Variants in BLNK observed in about 807,000 individuals in gnomAD.
The protein encoded by BLNK is B-cell linker protein.
BLNK carries 29 observed loss-of-function variants against 73.5 expected under a neutral mutation model. That is an observed-to-expected ratio of 0.39 (90% CI 0.29 to 0.54). BLNK has a LOEUF of 0.54. BLNK is among the 20% of genes least tolerant of loss of function. The pLI is 0.61. For missense variants in BLNK, 460 were observed against 562.8 expected, an observed-to-expected ratio of 0.82 and a Z score of 1.85; for synonymous variants, 176 against 200.8, an observed-to-expected ratio of 0.88 and a Z score of 1.04.
intron 6 of BLNK, among the ~76,000 whole-genome samples, chr10:96,221,869 G>A (rs1591322892): frequency 6.6e-6 from 1 of 152,132 alleles, no homozygotes; most frequent in Non-Finnish European, 1.5e-5. Flanking sequence ...TGTGTGCAGG[G>A]TGAGGGTGTG....
intron 1 of BLNK, among the ~76,000 whole-genome samples, chr10:96,259,911 T>G (rs1466470189): frequency 2.6e-5 from 4 of 151,984 alleles, no homozygotes; most frequent in East Asian, 1.9e-4. Context: ...ACCCTGAGAC[T>G]GATGAGATGG....
At chr10:96,243,221 T>C (rs1159572680) in intron 2 of BLNK, among the ~76,000 whole-genome samples, 4 of 152,198 alleles carry the variant, frequency 2.6e-5, no homozygotes, top group Non-Finnish European at 4.4e-5. Flanking sequence ...TGGTTGTAGG[T>C]TGGGCTAAAA....
intron 3 of BLNK, among the ~76,000 whole-genome samples, chr10:96,237,455 C>G (rs1254992288): frequency 2.0e-5 from 3 of 152,150 alleles, no homozygotes; most frequent in Admixed American, 2.0e-4. Context: ...GTGGACCTCC[C>G]AGGGATGCCA....
At chr10:96,235,625 G>T (rs1447914632) in intron 3 of BLNK, among the ~76,000 whole-genome samples, 1 of 152,206 alleles carries the variant, frequency 6.6e-6, no homozygotes, top group Admixed American at 6.5e-5. Context: ...ATCATTGCCA[G>T]GAGCGGGGAA....
chr10:96,205,078 G>T, intron 11 of BLNK: 1 of 175,108 alleles, frequency 5.7e-6, no homozygotes, highest in Non-Finnish European at 1.2e-5. Context: ...ACACTACTGA[G>T]TTCATAAATG....
intron 1 of BLNK, among the ~76,000 whole-genome samples, chr10:96,256,185 A>G (rs1843499903): frequency 6.6e-6 from 1 of 152,090 alleles, no homozygotes; most frequent in South Asian, 2.1e-4. Flanking sequence ...TTATCCACGT[A>G]TACTTGGGTA....
intron 7 of BLNK, chr10:96,216,245 C>A: frequency 4.4e-6 from 1 of 228,908 alleles, no homozygotes. Flanking sequence ...AGAACCAGGA[C>A]TCAGGGCATA....
Position 96,196,963 on chromosome 10 carries a change from C to T in BLNK, c.1196G>A (p.Arg399Gln), listed in dbSNP as rs267602649. Residue 399 changes from arginine (R) to glutamine (Q), a missense_variant, in exon 16 of 17, where the codon CGA becomes CAA. Arg to Gln is a conservative substitution (Grantham distance 43). Coordinates refer to ENST00000224337, the MANE Select transcript of BLNK (RefSeq NM_013314.4). ...FNKRVYNIPVRFIEATKQYAL... is the reference protein window; with the variant it reads ...FNKRVYNIPVQFIEATKQYAL... ...ATATTGTTTTGTTGCTTCAATAAAT[C>T]GCACAGGAATATTATATACTCGCTT... 37 of 1,613,338 alleles carry T rather than the reference C, an allele frequency of 2.3e-5. No homozygotes were observed. Among genetic ancestry groups the T allele is most frequent in the East Asian group, 2.2e-5 (1 of 44,754 alleles).
intron 1 of BLNK, among the ~76,000 whole-genome samples, chr10:96,260,503 T>C (rs1313611045): frequency 2.0e-5 from 3 of 152,224 alleles, no homozygotes; most frequent in Non-Finnish European, 4.4e-5. Context: ...AGAATTTGAA[T>C]ATGTTCTTTT....
At position 96,191,496 on chromosome 10, in the gene BLNK, C is replaced by A. The variant is rs1351342752; in HGVS notation, c.*477G>T. ...AAAAGGAACCATTACATCCTTCTTG[C>A]CTATACTTACAGATATCATACATTA... On this transcript the variant is annotated 3_prime_UTR_variant, in exon 17 of 17. Transcript: ENST00000224337. 6.6e-6 allele frequency among the ~76,000 whole-genome samples: 1 copy of A among 151,894 alleles called. No homozygotes were observed. Among genetic ancestry groups the A allele is most frequent in the Non-Finnish European group, 1.5e-5 (1 of 67,992 alleles).
At chr10:96,207,100 G>A (rs373798149) in intron 10 of BLNK, 47 bp from the exon 11 acceptor site, 3 of 1,502,218 alleles carry the variant, frequency 2.0e-6, no homozygotes, top group African/African-American at 2.8e-5. Context: ...AGCAGAATGT[G>A]GAAATAAATG....
At chr10:96,206,050 C>T (rs1455311924) in intron 11 of BLNK, among the ~76,000 whole-genome samples, 1 of 152,174 alleles carries the variant, frequency 6.6e-6, no homozygotes, top group East Asian at 1.9e-4. Flanking sequence ...GGGGTGATGC[C>T]TCAGAAATAG....
At chr10:96,214,304 G>A (rs1181027472) in intron 8 of BLNK, among the ~76,000 whole-genome samples, 1 of 152,132 alleles carries the variant, frequency 6.6e-6, no homozygotes, top group Non-Finnish European at 1.5e-5. Flanking sequence ...CTCAGCCTTG[G>A]GGGTTGCCAA....
chr10:96,199,857 C>G lies in BLNK; in HGVS notation c.1095+218G>C, dbSNP rs1251900984. ...TGGCCAACATGGTAAAACCCCGTCT[C>G]TACTAAAAATACAAAAATTAGCCGG... On this transcript the variant is annotated intron_variant, in intron 15 of 16. Coordinates refer to ENST00000224337, the MANE Select transcript of BLNK (RefSeq NM_013314.4). 9 of 264,710 alleles carry G rather than the reference C, an allele frequency of 3.4e-5. No homozygotes were observed. In the East Asian group the frequency reaches 5.0e-4, roughly 15 times the overall value. The allele number at this position is 264,710 out of a possible 1,614,324, so 16.4% of individuals were successfully genotyped here. A position where few individuals can be genotyped will look rare whatever the true frequency, so the allele number is the denominator to read the frequency against.
intron 3 of BLNK, among the ~76,000 whole-genome samples, chr10:96,240,361 C>G (rs1311475501): frequency 4.6e-5 from 7 of 152,136 alleles, no homozygotes; most frequent in African/African-American, 1.7e-4. Context: ...ACTCAGATGG[C>G]CTAACTTCTT....
rs997481462 is a variant in BLNK, at chr10:96,207,011, C to G, written c.817G>C (p.Glu273Gln). Residue 273 changes from glutamate to glutamine, a missense_variant and splice_region_variant, in exon 11 of 17, where the codon GAA (glutamate) becomes CAA (glutamine). Transcript: ENST00000224337. ...CATCCTTCAAAATAATAGATTTTAC[C>G]TTCACAAACACTTGAAGCATTCTGT... ...SQQNASSVCE[E>Q]KPIPAERHRG... is the part of the protein sequence containing the mutation. 1 of 1,613,842 alleles carries G rather than the reference C, an allele frequency of 6.2e-7. No homozygotes were observed.
intron 9 of BLNK, among the ~76,000 whole-genome samples, chr10:96,208,567 G>T (rs2083876236): frequency 6.6e-6 from 1 of 152,200 alleles, no homozygotes; most frequent in Non-Finnish European, 1.5e-5. Context: ...GGGGTGTCTT[G>T]TGGAACACTG....
chr10:96,218,679 CA>C (rs10706950), intron 6 of BLNK, among the ~76,000 whole-genome samples: 71,165 of 124,172 alleles, frequency 0.57, 17,884 homozygotes, highest in East Asian at 0.75. Flanking sequence ...ACCTTGTCTC[CA>C]AAAAAAAAAA....
rs189577486 is a variant in BLNK at position 96,190,603 on chromosome 10, G to T, written c.*1370C>A. 6.6e-6 allele frequency among the ~76,000 whole-genome samples: 1 copy of T among 152,358 alleles called. No individual in the cohort carries two copies. Among genetic ancestry groups the T allele is most frequent in the Admixed American group, 6.5e-5 (1 of 15,300 alleles). ...TTTAAATATACAATTATCTTTAGAA[G>T]TGAGTCATGAGTTACCCTGAAATTA... On this transcript the variant is annotated 3_prime_UTR_variant, in exon 17 of 17. Coordinates refer to ENST00000224337, the MANE Select transcript of BLNK (RefSeq NM_013314.4).
Sources: allele counts gnomAD v4.1 joint callset (sites outside exome capture counted in the v4.1 genomes callset), GRCh38; gene constraint gnomAD v4.1.1; transcripts MANE v1.5; gene names NCBI Gene and HGNC (gene_info 2026-07-23, HGNC 2026-07-21).